SH3BGRL2: variants seen among roughly 807,000 people sequenced by gnomAD.
The protein encoded by SH3BGRL2 is SH3 domain binding glutamate rich protein like 2.
A neutral mutation model predicts 14.8 loss-of-function variants in SH3BGRL2; 21 were observed. The observed-to-expected ratio is 1.42, with a 90% CI of 1.01 to 2.05. The LOEUF (loss-of-function observed/expected upper bound fraction) is 2.05. Ranked by LOEUF, SH3BGRL2 falls within the 30% of genes most tolerant of loss-of-function variation. The probability of loss-of-function intolerance (pLI) is 0.00; values close to 1 mark genes in which losing one functional copy is unlikely to be tolerated. For synonymous variants in SH3BGRL2, 50 were observed against 47.8 expected (o/e 1.05, Z -0.19); for missense variants, 147 against 130.8 (o/e 1.12, Z -0.61).
chr6:79,673,788 C>T lies in SH3BGRL2; in HGVS notation c.220C>T (p.Arg74Ter), dbSNP rs576994551. Residue 74 changes from arginine to a stop codon, truncating the protein, a stop_gained, in exon 2 of 4, where the codon CGA (arginine) becomes TGA (stop). Coordinates refer to ENST00000369838, the MANE Select transcript of SH3BGRL2 (RefSeq NM_031469.4). LOFTEE classifies it high-confidence loss of function. Reference sequence around the variant, plus strand: ...GCCACCTCAGATATTTAATGGCGACCGATACTGTGGAGTAAGTGGCTAGAC... The same window carrying T: ...GCCACCTCAGATATTTAATGGCGACTGATACTGTGGAGTAAGTGGCTAGAC... ...PLPPQIFNGD[R>*]YCGDYDSFFE... 24 of 1,613,608 alleles carry T rather than the reference C, an allele frequency of 1.5e-5. No individual in the cohort carries two copies. The highest frequency in any genetic ancestry group is 6.7e-5 in the African/African-American group (5 of 74,952).
chr6:79,641,081 G>T (rs995739512), intron 1 of SH3BGRL2, among the ~76,000 whole-genome samples: 1 of 152,004 alleles, frequency 6.6e-6, no homozygotes, highest in Non-Finnish European at 1.5e-5. Context: ...TCCACAAGAC[G>T]TGGGAGTGTG....
At chr6:79,537,654 T>C in the SH3BGRL2 span, among the ~76,000 whole-genome samples, 1 of 152,172 alleles carries the variant, frequency 6.6e-6, no homozygotes, top group African/African-American at 2.4e-5. Flanking sequence ...GGCTGTGCGG[T>C]GCCAGGGCTC....
chr6:79,622,846 G>A, the SH3BGRL2 span, among the ~76,000 whole-genome samples: 1 of 152,280 alleles, frequency 6.6e-6, no homozygotes, highest in African/African-American at 2.4e-5. Flanking sequence ...AAGAGAAGAA[G>A]TTTGATAAGT....
At chr6:79,581,096 T>C in the SH3BGRL2 span, among the ~76,000 whole-genome samples, 82 of 152,232 alleles carry the variant, frequency 5.4e-4, no homozygotes, top group African/African-American at 1.9e-3. Context: ...AAGGAAGAAG[T>C]TGAATATCTG....
chr6:79,682,959 C>A (rs527407438), intron 2 of SH3BGRL2, among the ~76,000 whole-genome samples: 1 of 152,110 alleles, frequency 6.6e-6, no homozygotes, highest in East Asian at 1.9e-4. Flanking sequence ...GACAGAAAAC[C>A]GAACACTGCA....
At chr6:79,605,327 G>A in the SH3BGRL2 span, among the ~76,000 whole-genome samples, 1 of 152,154 alleles carries the variant, frequency 6.6e-6, no homozygotes, top group Non-Finnish European at 1.5e-5. Context: ...AGAGATCACA[G>A]AAGAACCACC....
At chr6:79,580,839 TG>T in the SH3BGRL2 span, among the ~76,000 whole-genome samples, 1 of 152,094 alleles carries the variant, frequency 6.6e-6, no homozygotes, top group South Asian at 2.1e-4. Flanking sequence ...CAAAATTCAA[TG>T]AAGCCAGGAG....
chr6:79,560,100 T>A, the SH3BGRL2 span, among the ~76,000 whole-genome samples: 7 of 152,066 alleles, frequency 4.6e-5, 1 homozygote. Flanking sequence ...GGAATCAATG[T>A]TGGGGGTGGG....
At chr6:79,695,156 C>T (rs909752750) in intron 2 of SH3BGRL2, among the ~76,000 whole-genome samples, 4 of 152,166 alleles carry the variant, frequency 2.6e-5, no homozygotes, top group African/African-American at 9.7e-5. Context: ...CTCTATTCAT[C>T]CTTCAGATGT....
At chr6:79,539,233 C>T in the SH3BGRL2 span, among the ~76,000 whole-genome samples, 1 of 151,896 alleles carries the variant, frequency 6.6e-6, no homozygotes, top group Non-Finnish European at 1.5e-5. Flanking sequence ...AAAAGGTTAC[C>T]CCAAAATATG....
At chr6:79,590,455 A>ATATATATGTATG in the SH3BGRL2 span, among the ~76,000 whole-genome samples, 6 of 116,144 alleles carry the variant, frequency 5.2e-5, no homozygotes, top group Admixed American at 6.2e-4. Context: ...ATATATATAT[A>ATATATATGTATG]TATATATATG....
At chr6:79,587,195 CT>C in the SH3BGRL2 span, among the ~76,000 whole-genome samples, 25 of 152,106 alleles carry the variant, frequency 1.6e-4, no homozygotes, top group Admixed American at 1.5e-3. Context: ...AAAATCAGAA[CT>C]TTTTTCCTCT....
chr6:79,576,941 C>A, the SH3BGRL2 span, among the ~76,000 whole-genome samples: 2 of 152,158 alleles, frequency 1.3e-5, no homozygotes, highest in Non-Finnish European at 1.5e-5. Context: ...CCATGTGTTG[C>A]ATGTCTCAGT....
At chr6:79,560,091 G>A in the SH3BGRL2 span, among the ~76,000 whole-genome samples, 168 of 152,246 alleles carry the variant, frequency 1.1e-3, no homozygotes, top group East Asian at 0.027. Context: ...TTCAGGAAGG[G>A]AATCAATGTT....
chr6:79,643,421 G>T (rs1054771742), intron 1 of SH3BGRL2, among the ~76,000 whole-genome samples: 8 of 152,154 alleles, frequency 5.3e-5, no homozygotes, highest in Non-Finnish European at 1.2e-4. Context: ...GACTCCTGAG[G>T]AGTGGTTCCA....
chr6:79,547,339 G>A, the SH3BGRL2 span, among the ~76,000 whole-genome samples: 13 of 152,194 alleles, frequency 8.5e-5, 1 homozygote, highest in South Asian at 2.7e-3. Context: ...AAGCTGGGAG[G>A]TACACTACTG....
intron 1 of SH3BGRL2, among the ~76,000 whole-genome samples, chr6:79,633,527 T>C (rs1414978125): frequency 6.6e-6 from 1 of 152,176 alleles, no homozygotes; most frequent in African/African-American, 2.4e-5. Context: ...ATCCCCTCAA[T>C]GCCCTGCCTC....
Position 79,643,700 on chromosome 6 carries a change from A to C in SH3BGRL2, c.45+12194A>C, listed in dbSNP as rs551727734. Among the ~76,000 whole-genome samples the C allele has an allele frequency of 4.6e-5, 7 of 152,308 alleles. No homozygotes were observed. In the East Asian group the frequency reaches 1.3e-3, roughly 29 times the overall value. On this transcript the variant is annotated intron_variant, in intron 1 of 3. Transcript: ENST00000369838. ...CCTGCCCCCTCACAGAAGAGTAAGAAACCCAAACTTTAAACAACTTGCCTT... is the reference window on the plus strand; with the variant it reads ...CCTGCCCCCTCACAGAAGAGTAAGACACCCAAACTTTAAACAACTTGCCTT...
chr6:79,688,230 A>G (rs1234187042), intron 2 of SH3BGRL2, among the ~76,000 whole-genome samples: 4 of 152,014 alleles, frequency 2.6e-5, no homozygotes, highest in African/African-American at 9.7e-5. Flanking sequence ...AAAAACCACA[A>G]CTGTTCAGGT....
Sources: gnomAD v4.1 joint callset for allele counts (sites outside exome capture counted in the v4.1 genomes callset) on GRCh38, gnomAD v4.1.1 for gene constraint, MANE v1.5 for transcripts, NCBI Gene and HGNC (gene_info 2026-07-23, HGNC 2026-07-21) for gene names.